DISP3: variants seen among roughly 807,000 people sequenced by gnomAD.
DISP3 encodes protein dispatched homolog 3.
DISP3 carries 101 observed loss-of-function variants against 135.3 expected under a neutral mutation model. The ratio of observed to expected loss-of-function variants is 0.75; its 90% CI spans 0.64 to 0.88. The LOEUF is 0.88. Among genes scored for constraint, DISP3 ranks in the 40% least tolerant of loss-of-function variants. The probability of loss-of-function intolerance (pLI) is 0.00; values close to 1 mark genes in which losing one functional copy is unlikely to be tolerated. For synonymous variants in DISP3, 856 were observed against 817.0 expected (o/e 1.05, Z -0.81); for missense variants, 1,713 against 1,878.6 (o/e 0.91, Z 1.63).
rs777281291 is a variant in DISP3 at position 11,517,646 on chromosome 1, A to T, written c.1889+44A>T. On this transcript the variant is annotated intron_variant, in intron 7 of 20. Coordinates refer to ENST00000294484, the MANE Select transcript of DISP3 (RefSeq NM_020780.2). ...CCACCCACAGCAGGGTATCCACAAC[A>T]GGCCTCTATGAGCCACTCAGTGCAG... is the stretch of plus-strand genomic sequence containing the variant. 69 of 1,604,766 alleles carry T rather than the reference A, an allele frequency of 4.3e-5. No individual in the cohort carries two copies. In the Admixed American group the frequency reaches 1.1e-3, roughly 26 times the overall value.
intron 1 of DISP3, among the ~76,000 whole-genome samples, chr1:11,493,255 A>G (rs113528321): frequency 0.017 from 2,592 of 152,306 alleles, 73 homozygotes; most frequent in African/African-American, 0.059. Flanking sequence ...AAGACCCAAG[A>G]AGAGCTGATA....
chr1:11,494,091 A>G (rs947350777), intron 1 of DISP3, among the ~76,000 whole-genome samples: 38 of 152,252 alleles, frequency 2.5e-4, no homozygotes, highest in Non-Finnish European at 4.4e-5. Flanking sequence ...TTTAGGATCA[A>G]TAGACCTGGG....
chr1:11,529,840 G>C lies in DISP3; in HGVS notation c.2983G>C (p.Gly995Arg), dbSNP rs770894355. ...CGGCTTCAACCCCTGCGTGAACACGGGCTGCGGGAAGCCGGCGGTGCGGCC... is the reference window on the plus strand; with the variant it reads ...CGGCTTCAACCCCTGCGTGAACACGCGCTGCGGGAAGCCGGCGGTGCGGCC... ...TFGFNPCVNT[G>R]CGKPAVRPLV... Residue 995 changes from glycine to arginine, a missense_variant, in exon 15 of 21, where the codon GGC becomes CGC. Physicochemically the swap from Gly to Arg is moderately radical, Grantham distance 125 (BLOSUM62 -2). This residue lies in a region of DISP3 where 1,142 missense variants were observed against 1,384.6 expected (regional missense o/e 0.82). Coordinates refer to ENST00000294484, the MANE Select transcript of DISP3 (RefSeq NM_020780.2). This position sits in a 1 kb window ranked among gnomAD's most constrained non-coding sequence, Gnocchi z 4.7. 9.3e-6 allele frequency: 15 copies of C among 1,614,006 alleles called. No individual in the cohort carries two copies. In the Middle Eastern group the frequency reaches 6.6e-4, roughly 71 times the overall value.
chr1:11,525,014 T>C (rs923895341), intron 11 of DISP3, among the ~76,000 whole-genome samples, 162 bp from the exon 12 acceptor site: 2 of 148,530 alleles, frequency 1.3e-5, no homozygotes, highest in Non-Finnish European at 3.0e-5. Flanking sequence ...ATTATTGCCA[T>C]GGACCTGGTC....
chr1:11,494,548 G>A (rs1641278068), intron 1 of DISP3, among the ~76,000 whole-genome samples: 1 of 152,224 alleles, frequency 6.6e-6, no homozygotes, highest in Non-Finnish European at 1.5e-5. Context: ...GTAGGACAGT[G>A]ATGCCTGGGA....
chr1:11,523,883 C>A, intron 10 of DISP3, 59 bp from the exon 11 acceptor site: 1 of 1,417,792 alleles, frequency 7.1e-7, no homozygotes, highest in Non-Finnish European at 9.8e-7. Flanking sequence ...CTCTGCCCAT[C>A]GGGCCCAGGC....
chr1:11,489,447 G>A (rs1249522939), intron 1 of DISP3, among the ~76,000 whole-genome samples: 1 of 152,248 alleles, frequency 6.6e-6, no homozygotes, highest in Non-Finnish European at 1.5e-5. Flanking sequence ...CCAGTACGTG[G>A]CTATTGGCTA....
intron 3 of DISP3, among the ~76,000 whole-genome samples, chr1:11,503,296 AGAG>A (rs1409540049): frequency 6.6e-6 from 1 of 152,208 alleles, no homozygotes; most frequent in Non-Finnish European, 1.5e-5. Context: ...GGGATATGTG[AGAG>A]GAGATTTATT....
chr1:11,524,852 G>A (rs58789791), intron 11 of DISP3, among the ~76,000 whole-genome samples: 6,083 of 61,954 alleles, frequency 0.098, 770 homozygotes, highest in East Asian at 0.46. Context: ...CCCCATCCCT[G>A]TGCCTATCTC....
At chr1:11,495,342 G>A (rs1324691368) in intron 1 of DISP3, among the ~76,000 whole-genome samples, 1 of 152,172 alleles carries the variant, frequency 6.6e-6, no homozygotes, top group Admixed American at 6.5e-5. Context: ...AGTGAGCTGA[G>A]ATCGCACCAT....
At chr1:11,512,671 G>T (rs555121047) in intron 3 of DISP3, among the ~76,000 whole-genome samples, 33 of 152,160 alleles carry the variant, frequency 2.2e-4, no homozygotes, top group African/African-American at 8.0e-4. Context: ...TCCAATCTCT[G>T]CCTGTTACCC....
chr1:11,512,924 C>T (rs572586603), intron 3 of DISP3, among the ~76,000 whole-genome samples: 3 of 152,056 alleles, frequency 2.0e-5, no homozygotes, highest in Non-Finnish European at 4.4e-5. Flanking sequence ...AAAGCAAAAG[C>T]GGAAACCCCA....
chr1:11,520,682 C>T lies in DISP3; in HGVS notation c.2201-5C>T, dbSNP rs374868007. 40 of 1,612,872 alleles carry T rather than the reference C, an allele frequency of 2.5e-5. No homozygotes were observed. In the South Asian group the frequency reaches 3.6e-4, roughly 15 times the overall value. ...CCCGCCTGGTGTAGCGCCCTTTCCT[C>T]ACAGGGCTGTTCGTCTCCATCCTCA... On this transcript the variant is annotated splice_polypyrimidine_tract_variant and splice_region_variant and intron_variant, in intron 9 of 20. Coordinates refer to ENST00000294484, the MANE Select transcript of DISP3 (RefSeq NM_020780.2). The surrounding 1 kb of genome is among the most constrained non-coding windows in gnomAD (Gnocchi z 4.8).
rs1641448848 is a variant in DISP3 at position 11,499,755 on chromosome 1, T to C, written c.-3-1235T>C. 6.6e-6 allele frequency among the ~76,000 whole-genome samples: 1 copy of C among 152,216 alleles called. No individual in the cohort carries two copies. Among genetic ancestry groups the C allele is most frequent in the Admixed American group, 6.5e-5 (1 of 15,284 alleles). ...TCTCTCTCCTCTTTTCCTCTGTCTC[T>C]GTCTCTGTTTCCCTCCTTCCGTCAC... On this transcript the variant is annotated intron_variant, in intron 1 of 20. Coordinates refer to ENST00000294484, the MANE Select transcript of DISP3 (RefSeq NM_020780.2). This position sits in a 1 kb window ranked among gnomAD's most constrained non-coding sequence, Gnocchi z 5.2.
rs1641186477 is a variant in DISP3 at position 11,491,665 on chromosome 1, G to A, written c.-3-9325G>A. Among the ~76,000 whole-genome samples, 1 of 152,002 alleles carries A rather than the reference G, an allele frequency of 6.6e-6. No individual in the cohort carries two copies. Among genetic ancestry groups the A allele is most frequent in the South Asian group, 2.1e-4 (1 of 4,818 alleles). On this transcript the variant is annotated intron_variant, in intron 1 of 20. Coordinates refer to ENST00000294484, the MANE Select transcript of DISP3 (RefSeq NM_020780.2). The surrounding 1 kb of genome is among the most constrained non-coding windows in gnomAD (Gnocchi z 4.3). ...CGGATTCCTGGGCCCCACCTCCTCT[G>A]ACCTGGAATCTGACCTAGAGTTTGC...
chr1:11,536,814 A>T lies in DISP3; in HGVS notation c.*128A>T. ...CAGGGCGCCCTGCGGGCCAGCGTGGAGGCTGACACCCACACAGATGGTGTG... is the reference window on the plus strand; with the variant it reads ...CAGGGCGCCCTGCGGGCCAGCGTGGTGGCTGACACCCACACAGATGGTGTG... On this transcript the variant is annotated 3_prime_UTR_variant, in exon 21 of 21. Coordinates refer to ENST00000294484, the MANE Select transcript of DISP3 (RefSeq NM_020780.2). This position sits in a 1 kb window ranked among gnomAD's most constrained non-coding sequence, Gnocchi z 4.3. 1.6e-6 allele frequency: 2 copies of T among 1,231,330 alleles called. No individual in the cohort carries two copies. 76.3% of individuals were successfully genotyped at this position (1,231,330 alleles called of 1,614,324 possible).
Position 11,519,615 on chromosome 1 carries a change from G to A in DISP3, c.2039-104G>A. On this transcript the variant is annotated intron_variant, in intron 8 of 20. Transcript: ENST00000294484. The surrounding 1 kb of genome is among the most constrained non-coding windows in gnomAD (Gnocchi z 4.3). Reference sequence around the variant, plus strand: ...CTGAGGCTGGGGGCCGGACAAGATGGCCTGTGGGCTTCCTCACCAGGCATC... The same window carrying A: ...CTGAGGCTGGGGGCCGGACAAGATGACCTGTGGGCTTCCTCACCAGGCATC... 3.2e-6 allele frequency: 5 copies of A among 1,570,244 alleles called. No individual in the cohort carries two copies. The South Asian group carries it at 3.5e-5, about 11-fold the overall frequency.
At chr1:11,522,618 A>AGCCAGGGCCCAGCCAGGG (rs1642241635) in intron 10 of DISP3, among the ~76,000 whole-genome samples, 1 of 35,428 alleles carries the variant, frequency 2.8e-5, no homozygotes, top group Non-Finnish European at 6.1e-5. Context: ...CCCAGCCAGG[A>AGCCAGGGCCCAGCCAGGG]CCCAGCCAGA....
chr1:11,509,499 T>C (rs770326440), intron 3 of DISP3, among the ~76,000 whole-genome samples: 2 of 152,228 alleles, frequency 1.3e-5, no homozygotes, highest in Non-Finnish European at 2.9e-5. Context: ...GATATTGAAA[T>C]ATCTATCTAC....
Sources: allele counts gnomAD v4.1 joint callset (sites outside exome capture counted in the v4.1 genomes callset), GRCh38; gene constraint gnomAD v4.1.1; regional missense constraint gnomAD v4.1.1; non-coding constraint Gnocchi (gnomAD v3.1); transcripts MANE v1.5; gene names NCBI Gene and HGNC (gene_info 2026-07-23, HGNC 2026-07-21).